Variants in FAM135B observed in about 807,000 individuals in gnomAD.
FAM135B encodes protein FAM135B.
In FAM135B, 43 loss-of-function variants were observed where a neutral mutation model predicts 127.7. The ratio of observed to expected loss-of-function variants is 0.34; its 90% CI spans 0.26 to 0.43. The LOEUF is 0.43. Ranked by LOEUF, FAM135B falls within the 20% of genes least tolerant of loss-of-function variation. The probability of loss-of-function intolerance (pLI) is 1.00; values close to 1 mark genes in which losing one functional copy is unlikely to be tolerated. For synonymous variants in FAM135B, 670 were observed against 665.1 expected (o/e 1.01, Z -0.11); for missense variants, 1,558 against 1,725.6 (o/e 0.90, Z 1.72).
intron 4 of FAM135B, among the ~76,000 whole-genome samples, chr8:138,258,377 A>T (rs1822274505): frequency 6.6e-6 from 1 of 152,140 alleles, no homozygotes; most frequent in Non-Finnish European, 1.5e-5. Context: ...TTGTTATTTA[A>T]AAAAAGCATT....
At chr8:138,384,570 A>G (rs1832067547) in intron 1 of FAM135B, among the ~76,000 whole-genome samples, 1 of 152,076 alleles carries the variant, frequency 6.6e-6, no homozygotes, top group Admixed American at 6.5e-5. Context: ...TCTGCTCCCA[A>G]GCATAGCAGA....
At chr8:138,385,513 T>C (rs1048248897) in intron 1 of FAM135B, among the ~76,000 whole-genome samples, 5 of 152,132 alleles carry the variant, frequency 3.3e-5, no homozygotes, top group African/African-American at 1.2e-4. Flanking sequence ...AGAAAGAACA[T>C]ATTTAAAGCA....
chr8:138,426,072 CAT>C (rs1554690937), intron 1 of FAM135B, among the ~76,000 whole-genome samples: 9 of 83,698 alleles, frequency 1.1e-4, no homozygotes, highest in East Asian at 4.0e-4. Flanking sequence ...CACACACACA[CAT>C]ATATAAAATG....
At chr8:138,398,232 C>A (rs759238366) in intron 1 of FAM135B, among the ~76,000 whole-genome samples, 19 of 152,186 alleles carry the variant, frequency 1.2e-4, no homozygotes, top group Admixed American at 3.3e-4. Flanking sequence ...GACTCCCCAG[C>A]AAGGTGCTTG....
intron 9 of FAM135B, among the ~76,000 whole-genome samples, chr8:138,183,803 C>T (rs1672511875): frequency 6.6e-6 from 1 of 152,218 alleles, no homozygotes; most frequent in African/African-American, 2.4e-5. Context: ...TTGTTGAGTT[C>T]AGTTTGATAA....
chr8:138,360,121 T>C (rs1830328403), intron 2 of FAM135B, among the ~76,000 whole-genome samples: 3 of 152,172 alleles, frequency 2.0e-5, no homozygotes, highest in African/African-American at 7.2e-5. Flanking sequence ...AATCTCAACA[T>C]CAAACAATGA....
At chr8:138,146,777 G>C (rs1047152351) in intron 14 of FAM135B, among the ~76,000 whole-genome samples, 2 of 152,102 alleles carry the variant, frequency 1.3e-5, no homozygotes, top group Non-Finnish European at 2.9e-5. Flanking sequence ...CTGGCCGTAG[G>C]GGTTCAATTG....
chr8:138,178,840 G>T, intron 9 of FAM135B, 150 bp from the exon 10 acceptor site: 1 of 628,628 alleles, frequency 1.6e-6, no homozygotes, highest in Non-Finnish European at 2.7e-6. Flanking sequence ...ACAACTCATA[G>T]TACTATAGGA....
chr8:138,157,092 T>C (rs1818834752), intron 12 of FAM135B, among the ~76,000 whole-genome samples: 1 of 152,214 alleles, frequency 6.6e-6, no homozygotes, highest in Non-Finnish European at 1.5e-5. Context: ...AAAAAGCTTA[T>C]CCACCACGAT....
intron 13 of FAM135B, among the ~76,000 whole-genome samples, chr8:138,150,931 G>T (rs1030605029): frequency 7.9e-5 from 12 of 151,942 alleles, no homozygotes; most frequent in Non-Finnish European, 1.6e-4. Flanking sequence ...TCACATAGAA[G>T]AAATGCAGAA....
chr8:138,260,197 C>T (rs1304888458), intron 4 of FAM135B, among the ~76,000 whole-genome samples: 4 of 152,140 alleles, frequency 2.6e-5, no homozygotes, highest in Admixed American at 2.6e-4. Context: ...AATCTTTACC[C>T]TCTAGTGGTG....
chr8:138,306,851 TG>T (rs1263804132), intron 3 of FAM135B, among the ~76,000 whole-genome samples: 2 of 152,158 alleles, frequency 1.3e-5, no homozygotes, highest in African/African-American at 4.8e-5. Flanking sequence ...CCCAAAGTGC[TG>T]GGATTACAGG....
chr8:138,180,601 G>A (rs909156806), intron 9 of FAM135B, among the ~76,000 whole-genome samples: 5 of 152,200 alleles, frequency 3.3e-5, no homozygotes, highest in African/African-American at 1.2e-4. Context: ...GTGCTAGATA[G>A]AGACCAATTG....
chr8:138,469,743 A>C (rs943224570), intron 1 of FAM135B, among the ~76,000 whole-genome samples: 2 of 152,242 alleles, frequency 1.3e-5, no homozygotes, highest in African/African-American at 4.8e-5. Context: ...ATGCTACCTA[A>C]CTAAGGATTA....
At chr8:138,286,823 C>T (rs1307742485) in intron 3 of FAM135B, among the ~76,000 whole-genome samples, 2 of 152,160 alleles carry the variant, frequency 1.3e-5, no homozygotes, top group South Asian at 2.1e-4. Context: ...GAGGGACCCC[C>T]GAGGTTCCAT....
chr8:138,320,190 A>G (rs1001902746), intron 2 of FAM135B, among the ~76,000 whole-genome samples: 1 of 152,250 alleles, frequency 6.6e-6, no homozygotes, highest in Non-Finnish European at 1.5e-5. Context: ...ATGGCAATAT[A>G]TTATAGCAGT....
intron 1 of FAM135B, among the ~76,000 whole-genome samples, chr8:138,377,317 C>G (rs567322520): frequency 5.3e-5 from 8 of 152,168 alleles, no homozygotes; most frequent in Non-Finnish European, 1.0e-4. Flanking sequence ...CTCTCATGTA[C>G]AGAGGAATAT....
At chr8:138,363,867 T>C (rs538050717) in intron 2 of FAM135B, among the ~76,000 whole-genome samples, 1 of 152,278 alleles carries the variant, frequency 6.6e-6, no homozygotes, top group East Asian at 1.9e-4. Flanking sequence ...TCTCATAAAC[T>C]ATGTAAATGA....
chr8:138,237,172 T>G (rs74663435), intron 7 of FAM135B, among the ~76,000 whole-genome samples: 38 of 141,900 alleles, frequency 2.7e-4, no homozygotes, highest in African/African-American at 7.1e-4. Context: ...TTTTTTTTTT[T>G]TTGTTGGAGA....
Sources: gnomAD v4.1 joint callset for allele counts (sites outside exome capture counted in the v4.1 genomes callset) on GRCh38, gnomAD v4.1.1 for gene constraint, MANE v1.5 for transcripts, NCBI Gene and HGNC (gene_info 2026-07-23, HGNC 2026-07-21) for gene names.